ZFP3: variants seen among roughly 807,000 people sequenced by gnomAD.
ZFP3 encodes the protein zinc finger protein 3 homolog.
In ZFP3, 18 loss-of-function variants were observed where a neutral mutation model predicts 36.7. The ratio of observed to expected loss-of-function variants is 0.49; its 90% CI spans 0.34 to 0.73. The LOEUF (loss-of-function observed/expected upper bound fraction) is 0.73. Among genes scored for constraint, ZFP3 ranks in the 30% least tolerant of loss-of-function variants. ZFP3 has a pLI of 0.01. For synonymous variants in ZFP3, 218 were observed against 199.0 expected, an observed-to-expected ratio of 1.10 and a Z score of -0.81; for missense variants, 495 against 599.0, an observed-to-expected ratio of 0.83 and a Z score of 1.81.
chr17:5,088,891 C>T (rs1287192423), intron 1 of ZFP3, among the ~76,000 whole-genome samples: 1 of 152,206 alleles, frequency 6.6e-6, no homozygotes, highest in Non-Finnish European at 1.5e-5. Context: ...AAGTTCCATA[C>T]ATTCCCATGC....
chr17:5,092,653 T>C lies in ZFP3; in HGVS notation c.1149T>C (p.His383=), dbSNP rs2143534263. ...GGGGGAACTCAGAACTTCTTAGACA[T>C]GAGAGAATTCACACTGGAGAGAAAC... ...AFRGNSELLR[H]ERIHTGEKPY... Residue 383 remains histidine, a synonymous_variant, in exon 2 of 2, where the codon CAT becomes CAC. Coordinates refer to ENST00000318833, the MANE Select transcript of ZFP3 (RefSeq NM_153018.3). The surrounding 1 kb of genome is among the most constrained non-coding windows in gnomAD (Gnocchi z 5.0). 3 of 1,614,100 alleles carry C rather than the reference T, an allele frequency of 1.9e-6. No individual in the cohort carries two copies. The highest frequency in any genetic ancestry group is 1.1e-5 in the South Asian group (1 of 91,084).
At chr17:5,083,424 G>A (rs192382288) in intron 1 of ZFP3, among the ~76,000 whole-genome samples, 29 of 152,162 alleles carry the variant, frequency 1.9e-4, no homozygotes, top group Non-Finnish European at 1.5e-5. Flanking sequence ...AGGCACGGTG[G>A]TGCAAGCCTG....
intron 1 of ZFP3, among the ~76,000 whole-genome samples, chr17:5,080,075 G>A (rs1392107064): frequency 6.6e-6 from 1 of 152,010 alleles, no homozygotes; most frequent in Non-Finnish European, 1.5e-5. Flanking sequence ...GTGGTTTCAG[G>A]ACTGATTAAT....
intron 1 of ZFP3, among the ~76,000 whole-genome samples, chr17:5,090,915 C>T (rs548547847): frequency 2.0e-5 from 3 of 152,160 alleles, no homozygotes; most frequent in East Asian, 1.9e-4. Context: ...ATGATCCGCC[C>T]GCCTCGGCCT....
chr17:5,086,759 G>C (rs1409178260), intron 1 of ZFP3, among the ~76,000 whole-genome samples: 2 of 127,006 alleles, frequency 1.6e-5, no homozygotes, highest in Non-Finnish European at 3.1e-5. Flanking sequence ...ACGGAGTCTC[G>C]CTCTGTCACC....
At chr17:5,081,415 G>A (rs914696083) in intron 1 of ZFP3, among the ~76,000 whole-genome samples, 2 of 152,050 alleles carry the variant, frequency 1.3e-5, no homozygotes, top group African/African-American at 4.8e-5. Flanking sequence ...TGTGGAGGGG[G>A]TACACAGACA....
Position 5,092,587 on chromosome 17 carries a change from T to C in ZFP3, c.1083T>C (p.Gly361=). The change falls in exon 2 of 2, where the codon GGT becomes GGC. Residue 361 remains glycine, a synonymous_variant. Transcript: ENST00000318833. This position sits in a 1 kb window ranked among gnomAD's most constrained non-coding sequence, Gnocchi z 5.0. ...TTAGACATATTAGAATTCATACTGGTGAGAAGCCCTATGTATGTAAGGAAT... is the reference window on the plus strand; with the variant it reads ...TTAGACATATTAGAATTCATACTGGCGAGAAGCCCTATGTATGTAAGGAAT... The part of the protein sequence containing the change: ...EIIRHIRIHT[G]EKPYVCKECG... 6.2e-7 allele frequency: 1 copy of C among 1,613,644 alleles called. No homozygotes were observed. Among genetic ancestry groups the C allele is most frequent in the Non-Finnish European group, 8.5e-7 (1 of 1,179,888 alleles).
At position 5,091,876 on chromosome 17, in the gene ZFP3, G is replaced by T. The variant is rs199781755; in HGVS notation, c.372G>T (p.Glu124Asp). Residue 124 changes from glutamate (E) to aspartate (D), a missense_variant, in exon 2 of 2, where the codon GAG (glutamate) becomes GAT (aspartate). Coordinates refer to ENST00000318833, the MANE Select transcript of ZFP3 (RefSeq NM_153018.3). ...AFATSGQNFL[E>D]ILESNKTQRS... ...CTACCTCTGGCCAAAACTTCCTAGA[G>T]ATTTTAGAATCTAACAAAACACAGA... is the stretch of plus-strand genomic sequence containing the variant. 5.0e-6 allele frequency: 8 copies of T among 1,614,094 alleles called. No homozygotes were observed. The Admixed American group carries it at 1.2e-4, about 24-fold the overall frequency.
intron 1 of ZFP3, among the ~76,000 whole-genome samples, chr17:5,087,715 T>C (rs796524268): frequency 2.6e-5 from 4 of 152,062 alleles, no homozygotes; most frequent in African/African-American, 7.2e-5. Context: ...CTGAGTAGGA[T>C]AGAGTTGAGA....
chr17:5,093,151 T>C lies in ZFP3; in HGVS notation c.*138T>C. Reference sequence around the variant, plus strand: ...CCTCTGTCCTCCCACTGATTTTAAATAGTTGGTTGAAGAAGATGAGGCACT... The same window carrying C: ...CCTCTGTCCTCCCACTGATTTTAAACAGTTGGTTGAAGAAGATGAGGCACT... On this transcript the variant is annotated 3_prime_UTR_variant, in exon 2 of 2. Transcript: ENST00000318833. The C allele has an allele frequency of 2.1e-6, 2 of 942,548 alleles. No individual in the cohort carries two copies. The highest frequency in any genetic ancestry group is 2.9e-5 in the East Asian group (1 of 34,590). The allele number at this position is 942,548 out of a possible 1,614,324, so 58.4% of individuals were successfully genotyped here.
chr17:5,092,092 C>A lies in ZFP3; in HGVS notation c.588C>A (p.Pro196=). 6.2e-7 allele frequency: 1 copy of A among 1,614,106 alleles called. No homozygotes were observed. The change falls in exon 2 of 2, where the codon CCC becomes CCA. Residue 196 remains proline (P), a synonymous_variant. Transcript: ENST00000318833. This position sits in a 1 kb window ranked among gnomAD's most constrained non-coding sequence, Gnocchi z 5.0. ...RHLRIHAGEK[P]FACNECGKAF... is the part of the protein sequence containing the mutation. ...TGAGAATTCATGCTGGAGAAAAACCCTTTGCTTGTAATGAATGTGGAAAGG... is the reference window on the plus strand; with the variant it reads ...TGAGAATTCATGCTGGAGAAAAACCATTTGCTTGTAATGAATGTGGAAAGG...
At chr17:5,083,404 A>T (rs2072103996) in intron 1 of ZFP3, among the ~76,000 whole-genome samples, 1 of 152,096 alleles carries the variant, frequency 6.6e-6, no homozygotes, top group Non-Finnish European at 1.5e-5. Context: ...CTAAAAATAC[A>T]AAATTAGCCA....
chr17:5,080,398 T>C (rs1340600977), intron 1 of ZFP3, among the ~76,000 whole-genome samples: 3 of 152,176 alleles, frequency 2.0e-5, no homozygotes. Context: ...CTGCTGGAGC[T>C]CTTGGATGAG....
chr17:5,092,821 C>T lies in ZFP3; in HGVS notation c.1317C>T (p.His439=), dbSNP rs1009110107. The T allele has an allele frequency of 1.9e-6, 3 of 1,613,920 alleles. No homozygotes were observed. The highest frequency in any genetic ancestry group is 2.2e-5 in the East Asian group (1 of 44,890). The change falls in exon 2 of 2, where the codon CAC becomes CAT. Residue 439 remains histidine (H), a synonymous_variant. Transcript: ENST00000318833. The surrounding 1 kb of genome is among the most constrained non-coding windows in gnomAD (Gnocchi z 5.0). ...TFWDNSELLL[H]QKIHIGEKPY... ...GGGATAATTCTGAGCTGCTTCTCCA[C>T]CAGAAAATTCATATTGGAGAGAAAC...
At chr17:5,091,369 G>C (rs1453037686) in intron 1 of ZFP3, 128 bp from the exon 2 acceptor site, 2 of 1,006,472 alleles carry the variant, frequency 2.0e-6, no homozygotes, top group Admixed American at 2.8e-5. Flanking sequence ...TGCCTCAGCT[G>C]CCCTCCTCCC....
At position 5,092,920 on chromosome 17, in the gene ZFP3, TGGA is replaced by T; in HGVS notation, c.1418_1420del (p.Gly473del). ...TTATCATACATCAGAGAATTCACAC[TGGA>T]GAGAAGCCTTATGAGTGCCAAGAAT... On this transcript the variant is annotated inframe_deletion, in exon 2 of 2. Transcript: ENST00000318833. This position sits in a 1 kb window ranked among gnomAD's most constrained non-coding sequence, Gnocchi z 5.0. The T allele has an allele frequency of 3.1e-6, 5 of 1,614,206 alleles. No homozygotes were observed. Among genetic ancestry groups the T allele is most frequent in the Non-Finnish European group, 4.2e-6 (5 of 1,180,036 alleles).
chr17:5,089,732 T>G (rs2072140043), intron 1 of ZFP3, among the ~76,000 whole-genome samples: 2 of 151,912 alleles, frequency 1.3e-5, no homozygotes, highest in African/African-American at 4.8e-5. Flanking sequence ...CACGGCTCAT[T>G]GCAGCCTTGA....
rs11078546 is a variant in ZFP3 at position 5,094,420 on chromosome 17, A to G, written c.*1407A>G. On this transcript the variant is annotated 3_prime_UTR_variant, in exon 2 of 2. Transcript: ENST00000318833. ...GTATTTATTTCTTCTCCAAGGAAAC[A>G]GCCTACATTTTCCATGTGTCCATGT... 0.062 allele frequency: 10,294 copies of G among 167,146 alleles called. 319 individuals carry two copies. Among genetic ancestry groups the G allele is most frequent in the Admixed American group, 0.093 (1,417 of 15,292 alleles). The allele number at this position is 167,146 out of a possible 1,614,324, so 10.4% of individuals were successfully genotyped here. A position where few individuals can be genotyped will look rare whatever the true frequency, so the allele number is the denominator to read the frequency against.
chr17:5,091,427 G>A, intron 1 of ZFP3, 70 bp from the exon 2 acceptor site: 1 of 1,470,372 alleles, frequency 6.8e-7, no homozygotes, highest in Non-Finnish European at 9.2e-7. Context: ...TCAAAGCTCT[G>A]TTGTCCTCTA....
Sources: allele counts gnomAD v4.1 joint callset (sites outside exome capture counted in the v4.1 genomes callset), GRCh38; gene constraint gnomAD v4.1.1; non-coding constraint Gnocchi (gnomAD v3.1); transcripts MANE v1.5; gene names NCBI Gene and HGNC (gene_info 2026-07-23, HGNC 2026-07-21).